Variants in ANKS6 observed in about 807,000 individuals in gnomAD.
ANKS6 encodes ankyrin repeat and SAM domain-containing protein 6.
ANKS6 carries 47 observed loss-of-function variants against 77.9 expected under a neutral mutation model. That is an observed-to-expected ratio of 0.60 (90% CI 0.48 to 0.77). The LOEUF is 0.77. Ranked by LOEUF, ANKS6 falls within the 30% of genes least tolerant of loss-of-function variation. The pLI is 0.00. For synonymous variants in ANKS6, 488 were observed against 501.7 expected, an observed-to-expected ratio of 0.97 and a Z score of 0.37; for missense variants, 1,150 against 1,159.1, an observed-to-expected ratio of 0.99 and a Z score of 0.11.
At chr9:98,738,525 A>C (rs939467028) in intron 14 of ANKS6, among the ~76,000 whole-genome samples, 3 of 151,906 alleles carry the variant, frequency 2.0e-5, no homozygotes, top group Non-Finnish European at 4.4e-5. Context: ...GTAAATCAAA[A>C]CCACAATGTG....
At chr9:98,749,437 C>T (rs911656043) in intron 13 of ANKS6, among the ~76,000 whole-genome samples, 14 of 152,188 alleles carry the variant, frequency 9.2e-5, no homozygotes, top group African/African-American at 1.9e-4. Context: ...AAGCTCTGTA[C>T]GTCAGCTGAA....
At chr9:98,795,849 G>C (rs746752378) in intron 1 of ANKS6, 23 of 280,756 alleles carry the variant, frequency 8.2e-5, no homozygotes, top group Non-Finnish European at 1.5e-4. Context: ...ACTGCAATAA[G>C]AAATGAATTA....
rs925733897 is a variant in ANKS6 at position 98,734,148 on chromosome 9, C to T, written c.*2371G>A. 1.0e-6 allele frequency: 1 copy of T among 985,484 alleles called. No homozygotes were observed. The allele number at this position is 985,484 out of a possible 1,614,324, so 61.0% of individuals were successfully genotyped here. On this transcript the variant is annotated 3_prime_UTR_variant, in exon 15 of 15. Transcript: ENST00000353234. Reference sequence around the variant, plus strand: ...CATCCAAACATCCCCAGAAAGGGTGCCAGGGACCTCTTGTGAACCAGCACA... The same window carrying T: ...CATCCAAACATCCCCAGAAAGGGTGTCAGGGACCTCTTGTGAACCAGCACA...
intron 13 of ANKS6, 99 bp downstream of exon 13, chr9:98,750,928 CAA>C: frequency 1.1e-6 from 1 of 900,166 alleles, no homozygotes; most frequent in Non-Finnish European, 1.8e-6. Context: ...TGTCTCAGTG[CAA>C]GAGATCAATC....
Position 98,734,420 on chromosome 9 carries a change from G to A in ANKS6, c.*2099C>T, listed in dbSNP as rs1831377782. On this transcript the variant is annotated 3_prime_UTR_variant, in exon 15 of 15. Transcript: ENST00000353234. ...CAGTATATTGTTATGAAAAAAACAG[G>A]ACCACAGCAAAAAGCAGGCACAAAA... 1 of 985,242 alleles carries A rather than the reference G, an allele frequency of 1.0e-6. No individual in the cohort carries two copies. The highest frequency in any genetic ancestry group is 6.2e-5 in the Admixed American group (1 of 16,252). 61.0% of individuals were successfully genotyped at this position (985,242 alleles called of 1,614,324 possible).
Position 98,784,855 on chromosome 9 carries a change from T to C in ANKS6, c.884A>G (p.Asp295Gly), listed in dbSNP as rs1834477766. The C allele has an allele frequency of 6.2e-7, 1 of 1,613,428 alleles. No homozygotes were observed. Among genetic ancestry groups the C allele is most frequent in the African/African-American group, 1.3e-5 (1 of 74,882 alleles). The change falls in exon 3 of 15, where the codon GAT becomes GGT. Residue 295 changes from aspartate to glycine, a missense_variant. By Grantham distance (94) the Asp-to-Gly change is moderately conservative (BLOSUM62 -1). Coordinates refer to ENST00000353234, the MANE Select transcript of ANKS6 (RefSeq NM_173551.5). ...PKTDEEKRRP[D>G]IFHALKMGNF... ...ACCCATTTTCAATGCATGGAAAATATCAGGTCGCCTTTTCTCCTCATCTGG... is the reference window on the plus strand; with the variant it reads ...ACCCATTTTCAATGCATGGAAAATACCAGGTCGCCTTTTCTCCTCATCTGG...
At chr9:98,745,420 AG>A in intron 14 of ANKS6, 138 bp downstream of exon 14, 1 of 793,898 alleles carries the variant, frequency 1.3e-6, no homozygotes, top group Non-Finnish European at 2.1e-6. Context: ...AAGTCCGAAA[AG>A]GGAAAAGGCC....
intron 11 of ANKS6, among the ~76,000 whole-genome samples, chr9:98,760,927 T>C (rs1014580571): frequency 6.6e-6 from 1 of 152,240 alleles, no homozygotes; most frequent in Non-Finnish European, 1.5e-5. Flanking sequence ...AGCTGGGTCA[T>C]ATCATAAGTG....
intron 8 of ANKS6, among the ~76,000 whole-genome samples, chr9:98,776,849 C>T (rs1833947892): frequency 6.6e-6 from 1 of 152,226 alleles, no homozygotes; most frequent in East Asian, 1.9e-4. Context: ...AGAAACTACA[C>T]ATGGGGGACC....
intron 11 of ANKS6, among the ~76,000 whole-genome samples, chr9:98,758,186 A>G (rs144857801): frequency 1.5e-3 from 232 of 152,164 alleles, no homozygotes; most frequent in Admixed American, 4.1e-3. Context: ...TATTCCTATC[A>G]GTACAGGCTC....
intron 8 of ANKS6, among the ~76,000 whole-genome samples, chr9:98,775,018 A>C (rs1833851326): frequency 6.6e-6 from 1 of 152,192 alleles, no homozygotes. Context: ...GCAGTTGGGG[A>C]AGTAGTACAC....
chr9:98,750,942 A>T, intron 13 of ANKS6, 87 bp downstream of exon 13: 1 of 1,050,106 alleles, frequency 9.5e-7, no homozygotes, highest in Non-Finnish European at 1.4e-6. Context: ...AGATCAATCT[A>T]GGCTTGCAAA....
intron 9 of ANKS6, among the ~76,000 whole-genome samples, chr9:98,772,080 C>T (rs568659594): frequency 6.6e-6 from 1 of 152,164 alleles, no homozygotes; most frequent in Admixed American, 6.5e-5. Flanking sequence ...AAAAGATACA[C>T]AGTGTCCTAA....
intron 4 of ANKS6, 126 bp downstream of exon 4, chr9:98,783,827 C>A: frequency 1.4e-5 from 9 of 664,182 alleles, no homozygotes; most frequent in Non-Finnish European, 1.7e-5. Context: ...TTCCATGCCT[C>A]AATGTCGTCA....
rs140221485 is a variant in ANKS6 at position 98,793,926 on chromosome 9, C to T, written c.359+2207G>A. Reference sequence around the variant, plus strand: ...CAGCACTTTGGGAGGCCGAGGTGGGCGTTTCACGAAATCAGGAGATTGAGA... The same window carrying T: ...CAGCACTTTGGGAGGCCGAGGTGGGTGTTTCACGAAATCAGGAGATTGAGA... On this transcript the variant is annotated intron_variant, in intron 1 of 14. Transcript: ENST00000353234. Among the ~76,000 whole-genome samples, 338 of 149,292 alleles carry T rather than the reference C, an allele frequency of 2.3e-3. 1 individual carries two copies. The highest frequency in any genetic ancestry group is 8.0e-3 in the African/African-American group (327 of 40,966).
In ANKS6 at chr9:98,770,191, TGAG is replaced by T. The variant is rs1419443440; in HGVS notation, c.1972+702_1972+704del. Among the ~76,000 whole-genome samples, 3 of 152,310 alleles carry T rather than the reference TGAG, an allele frequency of 2.0e-5. No homozygotes were observed. In the East Asian group the frequency reaches 5.8e-4, roughly 29 times the overall value. ...CTCATGAGATCTGATGGTTTTATAA[TGAG>T]GAGTTTCCCTGCACAAGCTCTCTCT... On this transcript the variant is annotated intron_variant, in intron 10 of 14. Transcript: ENST00000353234.
At chr9:98,740,655 TGCTA>T in intron 14 of ANKS6, among the ~76,000 whole-genome samples, 2 of 152,358 alleles carry the variant, frequency 1.3e-5, no homozygotes, top group East Asian at 3.9e-4. Flanking sequence ...CCTCGCTGCC[TGCTA>T]ACCTTAGGAG....
intron 14 of ANKS6, among the ~76,000 whole-genome samples, chr9:98,741,432 G>GA (rs915714925): frequency 3.0e-4 from 46 of 151,540 alleles, no homozygotes; most frequent in African/African-American, 1.0e-3. Context: ...CTTTAAAAAA[G>GA]AAAAAACAAA....
Position 98,782,587 on chromosome 9 carries a change from CTAGAGTTACA to C in ANKS6, c.1113-24_1113-15del. The C allele has an allele frequency of 6.2e-7, 1 of 1,605,942 alleles. No homozygotes were observed. Among genetic ancestry groups the C allele is most frequent in the Non-Finnish European group, 8.5e-7 (1 of 1,172,690 alleles). ...ATTTCCTTATTCCTGGGAAAAAATG[CTAGAGTTACA>C]TTCACTGAAAGCAAAGGCATGGCTT... is the stretch of plus-strand genomic sequence containing the variant. On this transcript the variant is annotated splice_polypyrimidine_tract_variant and intron_variant, in intron 4 of 14. Coordinates refer to ENST00000353234, the MANE Select transcript of ANKS6 (RefSeq NM_173551.5).
Sources: gnomAD v4.1 joint callset for allele counts (sites outside exome capture counted in the v4.1 genomes callset) on GRCh38, gnomAD v4.1.1 for gene constraint, MANE v1.5 for transcripts, NCBI Gene and HGNC (gene_info 2026-07-23, HGNC 2026-07-21) for gene names.